The following CTDSPL variants were observed in gnomAD, a reference collection of about 807,000 sequenced individuals.
CTDSPL encodes CTD small phosphatase like.
In CTDSPL, 8 loss-of-function variants were observed where a neutral mutation model predicts 30.5. The ratio of observed to expected loss-of-function variants is 0.26; its 90% confidence interval spans 0.15 to 0.47. The LOEUF is 0.47. CTDSPL is among the 20% of genes least tolerant of loss of function. The pLI, the probability that CTDSPL is intolerant of heterozygous loss-of-function variation, is 0.99. For missense variants in CTDSPL, 248 were observed against 366.1 expected (o/e 0.68, Z 2.63); for synonymous variants, 110 against 137.9 (o/e 0.80, Z 1.42).
chr3:37,890,031 A>G lies in CTDSPL; in HGVS notation c.79+27753A>G, dbSNP rs926725032. 1.1e-4 allele frequency among the ~76,000 whole-genome samples: 16 copies of G among 152,348 alleles called. No homozygotes were observed. In the East Asian group the frequency reaches 2.9e-3, roughly 27 times the overall value. Reference sequence around the variant, plus strand: ...TCATCAAAATGAGGAAATAAATAAAAAACAGAGAAACAGAACCCAGGAGCC... The same window carrying G: ...TCATCAAAATGAGGAAATAAATAAAGAACAGAGAAACAGAACCCAGGAGCC... On this transcript the variant is annotated intron_variant, in intron 1 of 7. Coordinates refer to ENST00000273179, the MANE Select transcript of CTDSPL (RefSeq NM_001008392.2).
chr3:37,980,667 G>A, intron 7 of CTDSPL, 75 bp from the exon 8 acceptor site: 1 of 1,552,648 alleles, frequency 6.4e-7, no homozygotes, highest in East Asian at 2.3e-5. Context: ...TCAAAGTCCG[G>A]GTACCCGGTT....
chr3:37,885,015 G>T (rs1698248143), intron 1 of CTDSPL, among the ~76,000 whole-genome samples: 1 of 152,140 alleles, frequency 6.6e-6, no homozygotes, highest in Non-Finnish European at 1.5e-5. Context: ...TTTTTAGGGA[G>T]CCCAACAGAG....
intron 1 of CTDSPL, among the ~76,000 whole-genome samples, chr3:37,883,295 C>T (rs1301477037): frequency 6.6e-6 from 1 of 152,236 alleles, no homozygotes; most frequent in African/African-American, 2.4e-5. Context: ...GGCTGGAGCA[C>T]TGGCTCCCCC....
intron 1 of CTDSPL, among the ~76,000 whole-genome samples, chr3:37,912,669 C>T (rs1274519184): frequency 1.3e-5 from 2 of 152,150 alleles, no homozygotes; most frequent in East Asian, 1.9e-4. Flanking sequence ...TATAAACAAG[C>T]GGACCTTGAC....
At chr3:37,937,436 G>A (rs1237521222) in intron 1 of CTDSPL, among the ~76,000 whole-genome samples, 2 of 150,268 alleles carry the variant, frequency 1.3e-5, no homozygotes, top group Admixed American at 1.3e-4. Flanking sequence ...ATAAAGAAAG[G>A]CTCCTCCTCA....
At chr3:37,874,098 C>T (rs927599486) in intron 1 of CTDSPL, among the ~76,000 whole-genome samples, 3 of 152,200 alleles carry the variant, frequency 2.0e-5, no homozygotes, top group Non-Finnish European at 4.4e-5. Context: ...ACTCATGGTG[C>T]GTAGACAGGG....
chr3:37,968,332 A>G (rs1699323406), intron 5 of CTDSPL: 1 of 425,206 alleles, frequency 2.4e-6, no homozygotes, highest in Non-Finnish European at 4.6e-6. Flanking sequence ...CGTTTTCTCC[A>G]GAGAATCTTT....
At chr3:37,924,958 C>T (rs1292117005) in intron 1 of CTDSPL, among the ~76,000 whole-genome samples, 1 of 152,176 alleles carries the variant, frequency 6.6e-6, no homozygotes, top group Non-Finnish European at 1.5e-5. Flanking sequence ...AAAGCATTCA[C>T]TGACCACCCC....
intron 2 of CTDSPL, among the ~76,000 whole-genome samples, chr3:37,953,551 A>G (rs548657136): frequency 5.6e-4 from 85 of 152,328 alleles, no homozygotes; most frequent in Middle Eastern, 3.4e-3. Flanking sequence ...ACATATACAG[A>G]TAAAGGAAGG....
chr3:37,967,417 G>A (rs900267544), intron 4 of CTDSPL, among the ~76,000 whole-genome samples: 1 of 152,252 alleles, frequency 6.6e-6, no homozygotes, highest in African/African-American at 2.4e-5. Flanking sequence ...GTGGGTCCAA[G>A]TACAAATAGT....
intron 1 of CTDSPL, among the ~76,000 whole-genome samples, chr3:37,909,461 G>A (rs763556333): frequency 1.3e-5 from 2 of 152,256 alleles, no homozygotes; most frequent in Non-Finnish European, 2.9e-5. Context: ...CAGACTGCCT[G>A]TGGCCTGCCC....
At chr3:37,950,769 C>T (rs1180315211) in intron 2 of CTDSPL, among the ~76,000 whole-genome samples, 2 of 152,168 alleles carry the variant, frequency 1.3e-5, no homozygotes, top group Non-Finnish European at 2.9e-5. Flanking sequence ...CTAGATGTAT[C>T]TGTTGAAATT....
intron 7 of CTDSPL, among the ~76,000 whole-genome samples, chr3:37,977,923 T>C (rs1699448142): frequency 6.6e-6 from 1 of 151,992 alleles, no homozygotes; most frequent in Admixed American, 6.6e-5. Context: ...AAATAATACA[T>C]CATGGGTATT....
intron 4 of CTDSPL, 100 bp downstream of exon 4, chr3:37,964,772 G>A (rs2125630776): frequency 1.2e-6 from 1 of 848,820 alleles, no homozygotes; most frequent in Non-Finnish European, 1.9e-6. Flanking sequence ...GGTGGTTAGT[G>A]TGTGACTTCA....
At chr3:37,887,220 C>G (rs139801830) in intron 1 of CTDSPL, among the ~76,000 whole-genome samples, 317 of 152,314 alleles carry the variant, frequency 2.1e-3, no homozygotes, top group African/African-American at 7.2e-3. Flanking sequence ...TAGTAGAATT[C>G]TTGTGGGAAA....
intron 5 of CTDSPL, chr3:37,969,629 C>T (rs1699342758): frequency 6.1e-6 from 2 of 328,246 alleles, no homozygotes; most frequent in Non-Finnish European, 1.2e-5. Flanking sequence ...CTACAGGCCA[C>T]ACCCGTTTGC....
chr3:37,863,408 T>C (rs189266037), intron 1 of CTDSPL, among the ~76,000 whole-genome samples: 71 of 152,336 alleles, frequency 4.7e-4, no homozygotes, highest in African/African-American at 1.4e-3. Flanking sequence ...TGTCCCCCTC[T>C]CTTGCATGCC....
At chr3:37,901,730 A>C (rs897054810) in intron 1 of CTDSPL, among the ~76,000 whole-genome samples, 1 of 152,188 alleles carries the variant, frequency 6.6e-6, no homozygotes, top group Non-Finnish European at 1.5e-5. Context: ...CCTTGGTTAG[A>C]TCTGCAGCTC....
intron 2 of CTDSPL, among the ~76,000 whole-genome samples, chr3:37,950,984 A>G (rs1241808866): frequency 6.6e-6 from 1 of 152,230 alleles, no homozygotes; most frequent in African/African-American, 2.4e-5. Flanking sequence ...ATTGAGATAA[A>G]AGTTTCTTAG....
Sources: gnomAD v4.1 joint callset for allele counts (sites outside exome capture counted in the v4.1 genomes callset) on GRCh38, gnomAD v4.1.1 for gene constraint, MANE v1.5 for transcripts, NCBI Gene and HGNC (gene_info 2026-07-23, HGNC 2026-07-21) for gene names.